DHDDS: variants seen among roughly 807,000 people sequenced by gnomAD.
DHDDS encodes dehydrodolichyl diphosphate synthase subunit, also known as dehydrodolichyl diphosphate synthase complex subunit DHDDS.
Under a neutral mutation model 46.2 loss-of-function variants are expected in DHDDS, and 16 were observed. That is an observed-to-expected ratio of 0.35 (90% CI 0.23 to 0.53). The LOEUF (loss-of-function observed/expected upper bound fraction) is 0.53, where lower values mean the gene tolerates loss of function less well. Among genes scored for constraint, DHDDS ranks in the 20% least tolerant of loss-of-function variants. The probability of loss-of-function intolerance (pLI) is 0.94; values close to 1 mark genes in which losing one functional copy is unlikely to be tolerated. For synonymous variants in DHDDS, 151 were observed against 163.1 expected (o/e 0.93, Z 0.56); for missense variants, 340 against 423.7 (o/e 0.80, Z 1.73).
chr1:26,450,184 C>G (rs2075306211), intron 6 of DHDDS, among the ~76,000 whole-genome samples: 1 of 152,158 alleles, frequency 6.6e-6, no homozygotes, highest in Non-Finnish European at 1.5e-5. Flanking sequence ...TAGAGATGGT[C>G]TCACACTGTC....
chr1:26,449,475 A>G (rs1308762483), intron 6 of DHDDS, among the ~76,000 whole-genome samples: 1 of 150,980 alleles, frequency 6.6e-6, no homozygotes, highest in Non-Finnish European at 1.5e-5. Context: ...ATCTCGGCCC[A>G]CTGTAGTCTG....
intron 8 of DHDDS, among the ~76,000 whole-genome samples, chr1:26,460,806 T>C (rs1348274379): frequency 6.6e-6 from 1 of 152,230 alleles, no homozygotes; most frequent in Non-Finnish European, 1.5e-5. Flanking sequence ...GTCCTCATTT[T>C]TCATATATGG....
rs1356087989 is a variant in DHDDS at position 26,446,451 on chromosome 1, C to G, written c.440+19C>G. 1 of 1,608,720 alleles carries G rather than the reference C, an allele frequency of 6.2e-7. No individual in the cohort carries two copies. Among genetic ancestry groups the G allele is most frequent in the African/African-American group, 1.3e-5 (1 of 74,928 alleles). On this transcript the variant is annotated intron_variant, in intron 5 of 8. Coordinates refer to ENST00000236342, the MANE Select transcript of DHDDS (RefSeq NM_205861.3). ...ACAACAAGTAAGTTCTCAGATTTCC[C>G]TATAGGGAGCTGTTTCAATCTTTGA...
chr1:26,436,552 T>C lies in DHDDS; in HGVS notation c.64-1616T>C, dbSNP rs868819575. 1.4e-4 allele frequency among the ~76,000 whole-genome samples: 21 copies of C among 151,988 alleles called. 1 individual carries two copies. In the South Asian group the frequency reaches 3.5e-3, roughly 26 times the overall value. On this transcript the variant is annotated intron_variant, in intron 2 of 8. Transcript: ENST00000236342. ...CATTCTGCTGCCTCAGCCTGCCAAA[T>C]AGCTGGGACTACAGGCGCCCACCAC...
Position 26,443,930 on chromosome 1 carries a change from T to C in DHDDS, c.323+1057T>C, listed in dbSNP as rs550831658. Among the ~76,000 whole-genome samples the C allele has an allele frequency of 3.3e-5, 5 of 152,310 alleles. No individual in the cohort carries two copies. The South Asian group carries it at 1.0e-3, about 32-fold the overall frequency. On this transcript the variant is annotated intron_variant, in intron 4 of 8. Coordinates refer to ENST00000236342, the MANE Select transcript of DHDDS (RefSeq NM_205861.3). ...TAATCACATTATACCATGACAAAGATATTATTAGCCAATTTTTAGAGAGAA... is the reference window on the plus strand; with the variant it reads ...TAATCACATTATACCATGACAAAGACATTATTAGCCAATTTTTAGAGAGAA...
At chr1:26,457,235 C>A (rs34493808) in intron 6 of DHDDS, among the ~76,000 whole-genome samples, 1 of 148,654 alleles carries the variant, frequency 6.7e-6, no homozygotes, top group Admixed American at 6.8e-5. Context: ...GAGGGGGGGG[C>A]GGATCACGAG....
In DHDDS at chr1:26,469,627, GAAA is replaced by G. The variant is rs1301826659; in HGVS notation, c.*498_*500del. The G allele has an allele frequency of 4.4e-6, 1 of 229,216 alleles. No individual in the cohort carries two copies. The highest frequency in any genetic ancestry group is 8.9e-6 in the Non-Finnish European group (1 of 112,520). 14.2% of individuals were successfully genotyped at this position (229,216 alleles called of 1,614,324 possible). ...AAGGAAAAAAGGGGTGGGAGAGACAGAAAATTTGCCCATCTGCTGCTCCTCCCC... is the reference window on the plus strand; with the variant it reads ...AAGGAAAAAAGGGGTGGGAGAGACAGATTTGCCCATCTGCTGCTCCTCCCC... On this transcript the variant is annotated 3_prime_UTR_variant, in exon 9 of 9. Coordinates refer to ENST00000236342, the MANE Select transcript of DHDDS (RefSeq NM_205861.3).
intron 6 of DHDDS, among the ~76,000 whole-genome samples, chr1:26,456,636 G>A (rs2075372707): frequency 6.6e-6 from 1 of 152,164 alleles, no homozygotes; most frequent in Non-Finnish European, 1.5e-5. Context: ...CAGGTGATCT[G>A]CCTGCCTCAG....
intron 8 of DHDDS, among the ~76,000 whole-genome samples, chr1:26,467,982 G>A (rs896350533): frequency 6.6e-6 from 1 of 152,170 alleles, no homozygotes; most frequent in Non-Finnish European, 1.5e-5. Flanking sequence ...CATGTACAGG[G>A]CACCCCAAGT....
At chr1:26,458,304 C>T (rs1022045441) in intron 7 of DHDDS, among the ~76,000 whole-genome samples, 36 of 152,184 alleles carry the variant, frequency 2.4e-4, no homozygotes, top group Admixed American at 2.4e-3. Context: ...AAACAATATG[C>T]AAACACTCAA....
At chr1:26,451,298 C>T (rs775169745) in intron 6 of DHDDS, among the ~76,000 whole-genome samples, 3 of 152,002 alleles carry the variant, frequency 2.0e-5, no homozygotes, top group South Asian at 2.1e-4. Flanking sequence ...AAAGTCAGTG[C>T]GTTAATTACA....
Position 26,436,105 on chromosome 1 carries a change from A to G in DHDDS, c.64-2063A>G, listed in dbSNP as rs142639989. Among the ~76,000 whole-genome samples the G allele has an allele frequency of 6.7e-3, 1,016 of 152,034 alleles. 6 individuals carry two copies. Among genetic ancestry groups the G allele is most frequent in the African/African-American group, 0.023 (934 of 41,470 alleles). ...CATCTTCATTTGACTATGCCCATCA[A>G]AATTTTTCCTGGCCAGACACGATGG... is the stretch of plus-strand genomic sequence containing the variant. On this transcript the variant is annotated intron_variant, in intron 2 of 8. Coordinates refer to ENST00000236342, the MANE Select transcript of DHDDS (RefSeq NM_205861.3).
At position 26,469,257 on chromosome 1, in the gene DHDDS, G is replaced by A. The variant is rs2075527891; in HGVS notation, c.*126G>A. ...GGTGTTCCCTTTGCTTGGCTGGGGAGCCCCCCAGGCCAGGTTTGCTGGCCA... is the reference window on the plus strand; with the variant it reads ...GGTGTTCCCTTTGCTTGGCTGGGGAACCCCCCAGGCCAGGTTTGCTGGCCA... On this transcript the variant is annotated 3_prime_UTR_variant, in exon 9 of 9. Coordinates refer to ENST00000236342, the MANE Select transcript of DHDDS (RefSeq NM_205861.3). 6.4e-7 allele frequency: 1 copy of A among 1,560,308 alleles called. No individual in the cohort carries two copies. The highest frequency in any genetic ancestry group is 8.7e-7 in the Non-Finnish European group (1 of 1,154,322).
At chr1:26,447,828 T>TCAA (rs1212754307) in intron 6 of DHDDS, 168 bp downstream of exon 6, 7 of 686,530 alleles carry the variant, frequency 1.0e-5, no homozygotes, top group East Asian at 2.7e-5. Context: ...CTCCCTCTTT[T>TCAA]CAACAACAAC....
At chr1:26,459,160 C>T (rs373585673) in intron 7 of DHDDS, among the ~76,000 whole-genome samples, 26 of 152,314 alleles carry the variant, frequency 1.7e-4, no homozygotes, top group African/African-American at 6.3e-4. Flanking sequence ...TGATAACAGG[C>T]AGCTCTAATC....
In DHDDS at chr1:26,459,231, A is replaced by C. The variant is rs555353826; in HGVS notation, c.658-806A>C. 3.3e-5 allele frequency among the ~76,000 whole-genome samples: 5 copies of C among 152,284 alleles called. No homozygotes were observed. The East Asian group carries it at 9.7e-4, about 29-fold the overall frequency. On this transcript the variant is annotated intron_variant, in intron 7 of 8. Coordinates refer to ENST00000236342, the MANE Select transcript of DHDDS (RefSeq NM_205861.3). Reference sequence around the variant, plus strand: ...GAAGAAACAAACTTGTTCCAGAAAAAATACCTGGGACCTTAGTAGAAGTTG... The same window carrying C: ...GAAGAAACAAACTTGTTCCAGAAAACATACCTGGGACCTTAGTAGAAGTTG...
intron 4 of DHDDS, 140 bp downstream of exon 4, chr1:26,443,013 A>T: frequency 7.0e-7 from 1 of 1,423,154 alleles, no homozygotes. Flanking sequence ...GGTGGCAAAT[A>T]TCAGAAATAC....
chr1:26,460,018 T>C lies in DHDDS; in HGVS notation c.658-19T>C, dbSNP rs2075406445. ...AGCAACATGTTACTAAATCATACTC[T>C]CCTCCCTACCTTTCCCAGACCTCTC... is the stretch of plus-strand genomic sequence containing the variant. On this transcript the variant is annotated intron_variant, in intron 7 of 8. Transcript: ENST00000236342. 1 of 1,598,078 alleles carries C rather than the reference T, an allele frequency of 6.3e-7. No individual in the cohort carries two copies. Among genetic ancestry groups the C allele is most frequent in the Admixed American group, 1.7e-5 (1 of 59,970 alleles).
intron 6 of DHDDS, among the ~76,000 whole-genome samples, chr1:26,451,635 T>C (rs1236191288): frequency 6.7e-6 from 1 of 150,064 alleles, no homozygotes; most frequent in Non-Finnish European, 1.5e-5. Flanking sequence ...TTTTTTCTTT[T>C]TTTTTTTTTT....
Sources: gnomAD v4.1 joint callset for allele counts (sites outside exome capture counted in the v4.1 genomes callset) on GRCh38, gnomAD v4.1.1 for gene constraint, MANE v1.5 for transcripts, NCBI Gene and HGNC (gene_info 2026-07-23, HGNC 2026-07-21) for gene names.